Variants in FRMPD4 observed in about 807,000 individuals in gnomAD.
The protein encoded by FRMPD4 is FERM and PDZ domain-containing protein 4.
FRMPD4 carries 22 observed loss-of-function variants against 94.1 expected under a neutral mutation model. The observed-to-expected ratio is 0.23, with a 90% CI of 0.17 to 0.33. The LOEUF is 0.33. FRMPD4 is among the 10% of genes least tolerant of loss of function. The pLI, the probability that FRMPD4 is intolerant of heterozygous loss-of-function variation, is 1.00. For synonymous variants in FRMPD4, 631 were observed against 548.6 expected (o/e 1.15, Z -2.10); for missense variants, 1,111 against 1,339.9 (o/e 0.83, Z 2.67).
chrX:12,457,317 CATA>C (rs2057343994), intron 1 of FRMPD4, among the ~76,000 whole-genome samples: 2 of 111,608 alleles, frequency 1.8e-5, no homozygotes, highest in African/African-American at 6.5e-5. Context: ...CTGACCCTCT[CATA>C]ATGATTGTCA....
At chrX:12,441,958 G>A (rs978053400) in intron 1 of FRMPD4, among the ~76,000 whole-genome samples, 2 of 110,935 alleles carry the variant, frequency 1.8e-5, no homozygotes, top group African/African-American at 6.7e-5. Flanking sequence ...GAGTTGGGAT[G>A]TTTCCAAGCA....
intron 3 of FRMPD4, among the ~76,000 whole-genome samples, chrX:11,963,694 C>G (rs1384432959): frequency 8.9e-6 from 1 of 111,928 alleles, no homozygotes; most frequent in East Asian, 2.8e-4. Flanking sequence ...CATGGGCAAG[C>G]CAGTTTGTGC....
chrX:12,431,305 T>A lies in FRMPD4; in HGVS notation c.42-67375T>A, dbSNP rs73436742. ...AGTGTCAAAGGGTATGAGCATGACA[T>A]CTGACAGCAGAGTTTCTATAAAGGA... is the stretch of plus-strand genomic sequence containing the variant. On this transcript the variant is annotated intron_variant, in intron 1 of 16. Coordinates refer to ENST00000675598, the MANE Select transcript of FRMPD4 (RefSeq NM_001368397.1). Among the ~76,000 whole-genome samples, 372 of 112,377 alleles carry A rather than the reference T, an allele frequency of 3.3e-3. 2 individuals carry two copies. The highest frequency in any genetic ancestry group is 0.011 in the African/African-American group (356 of 30,971).
chrX:12,317,172 C>T (rs910248669), intron 1 of FRMPD4, among the ~76,000 whole-genome samples: 4 of 111,292 alleles, frequency 3.6e-5, no homozygotes, highest in Non-Finnish European at 7.5e-5. Context: ...CTGATAAGAA[C>T]GTAGAGGAAA....
intron 4 of FRMPD4, among the ~76,000 whole-genome samples, chrX:12,628,116 G>A (rs1027608077): frequency 4.5e-5 from 5 of 111,843 alleles, no homozygotes; most frequent in Non-Finnish European, 9.4e-5. Flanking sequence ...GTAACACAGT[G>A]GGTGGGTGTG....
chrX:12,397,265 A>T lies in FRMPD4; in HGVS notation c.42-101415A>T, dbSNP rs760288257. Among the ~76,000 whole-genome samples the T allele has an allele frequency of 1.3e-3, 137 of 108,807 alleles. 1 individual carries two copies. The highest frequency in any genetic ancestry group is 4.3e-3 in the Admixed American group (44 of 10,276). The allele number at this position is 108,807 out of a possible 115,157, so 94.5% of individuals were successfully genotyped here. ...AATGTTTACAGAAACTTTTTTTTAA[A>T]AAAAAAAATACATGTTTATAAACAC... On this transcript the variant is annotated intron_variant, in intron 1 of 16. Transcript: ENST00000675598.
intron 1 of FRMPD4, among the ~76,000 whole-genome samples, chrX:12,439,592 T>C (rs1048186503): frequency 9.0e-6 from 1 of 111,495 alleles, no homozygotes; most frequent in African/African-American, 3.3e-5. Context: ...ACCGAAACTG[T>C]TTTATTATTA....
chrX:12,336,037 T>A (rs923348197), intron 1 of FRMPD4, among the ~76,000 whole-genome samples: 5 of 112,327 alleles, frequency 4.5e-5, no homozygotes, highest in Non-Finnish European at 9.4e-5. Context: ...AAACTTTTAT[T>A]TCCCTGTGTG....
At chrX:12,301,754 A>G (rs1055251204) in intron 1 of FRMPD4, among the ~76,000 whole-genome samples, 3 of 112,443 alleles carry the variant, frequency 2.7e-5, no homozygotes, top group Non-Finnish European at 3.8e-5. Flanking sequence ...GTTTAAGTTC[A>G]AATTCAGCTA....
intron 1 of FRMPD4, among the ~76,000 whole-genome samples, chrX:12,352,600 A>T (rs2147978149): frequency 8.9e-6 from 1 of 112,390 alleles, no homozygotes; most frequent in Admixed American, 9.4e-5. Context: ...AGCCATTCTG[A>T]TGAGTACACA....
At chrX:12,159,437 C>G (rs1327180878) in intron 1 of FRMPD4, among the ~76,000 whole-genome samples, 1 of 112,064 alleles carries the variant, frequency 8.9e-6, no homozygotes, top group Non-Finnish European at 1.9e-5. Flanking sequence ...GTTCCAAGAG[C>G]TTTCTTTAAA....
chrX:11,922,853 C>T (rs892550797), intron 3 of FRMPD4, among the ~76,000 whole-genome samples: 9 of 112,843 alleles, frequency 8.0e-5, no homozygotes, highest in Admixed American at 7.4e-4. Context: ...AACAGTTGGA[C>T]CTGATCTCTG....
In FRMPD4 at chrX:12,138,857, C is replaced by A. The variant is rs748062156; in HGVS notation, c.-115C>A. On this transcript the variant is annotated 5_prime_UTR_variant, in exon 1 of 17. Transcript: ENST00000675598. ...GGCCGCCGCCGCCACCCGCTGTCGC[C>A]GCGACTCGAGCCCCGGGCGCACTGA... 2 of 580,259 alleles carry A rather than the reference C, an allele frequency of 3.4e-6. No homozygotes were observed. The highest frequency in any genetic ancestry group is 8.5e-5 in the East Asian group (2 of 23,518). 47.8% of individuals were successfully genotyped at this position (580,259 alleles called of 1,213,427 possible). A position where few individuals can be genotyped will look rare whatever the true frequency, so the allele number is the denominator to read the frequency against.
At chrX:12,392,511 G>A (rs763008074) in intron 1 of FRMPD4, among the ~76,000 whole-genome samples, 44 of 108,764 alleles carry the variant, frequency 4.0e-4, no homozygotes, top group African/African-American at 1.4e-3. Flanking sequence ...AAATTAGCCC[G>A]GCGTGGCGGT....
chrX:12,226,401 A>C (rs1015021334), intron 1 of FRMPD4, among the ~76,000 whole-genome samples: 1 of 112,185 alleles, frequency 8.9e-6, no homozygotes, highest in Non-Finnish European at 1.9e-5. Context: ...ACTTAAGAGA[A>C]AAGTGGTGAC....
intron 1 of FRMPD4, among the ~76,000 whole-genome samples, chrX:12,310,133 G>T (rs1275089515): frequency 9.0e-6 from 1 of 110,871 alleles, no homozygotes; most frequent in Admixed American, 9.6e-5. Context: ...AGTCAGCGAA[G>T]GGAGATAGGG....
chrX:12,337,298 AT>A (rs1162332334), intron 1 of FRMPD4, among the ~76,000 whole-genome samples: 1 of 112,077 alleles, frequency 8.9e-6, no homozygotes, highest in East Asian at 2.8e-4. Context: ...AAGTAAAAAA[AT>A]ATCATTACTG....
intron 1 of FRMPD4, among the ~76,000 whole-genome samples, chrX:12,317,772 C>G (rs1408955785): frequency 9.0e-6 from 1 of 111,097 alleles, no homozygotes; most frequent in Non-Finnish European, 1.9e-5. Flanking sequence ...TCATCTCACC[C>G]CAGTTAGAAT....
chrX:12,693,749 C>A (rs1018835791), intron 8 of FRMPD4, among the ~76,000 whole-genome samples: 1 of 112,248 alleles, frequency 8.9e-6, no homozygotes, highest in Non-Finnish European at 1.9e-5. Flanking sequence ...GACAATCTCT[C>A]TGCTGTCTCT....
Sources: gnomAD v4.1 joint callset for allele counts (sites outside exome capture counted in the v4.1 genomes callset) on GRCh38, gnomAD v4.1.1 for gene constraint, MANE v1.5 for transcripts, NCBI Gene and HGNC (gene_info 2026-07-23, HGNC 2026-07-21) for gene names.